The following FAM168B variants were observed in gnomAD, a reference collection of about 807,000 sequenced individuals.
The protein encoded by FAM168B is myelin-associated neurite-outgrowth inhibitor.
Under a neutral mutation model 21.8 loss-of-function variants are expected in FAM168B, and 19 were observed. The ratio of observed to expected loss-of-function variants is 0.87; its 90% confidence interval spans 0.61 to 1.28. The LOEUF is 1.28. FAM168B is among the 50% of genes most tolerant of loss of function. The pLI is 0.00. For synonymous variants in FAM168B, 126 were observed against 104.8 expected (o/e 1.20, Z -1.24); for missense variants, 233 against 263.1 (o/e 0.89, Z 0.79).
At chr2:131,065,226 A>T (rs1160701075) in intron 3 of FAM168B, among the ~76,000 whole-genome samples, 1 of 152,196 alleles carries the variant, frequency 6.6e-6, no homozygotes, top group East Asian at 1.9e-4. Context: ...AGAGTTAAAG[A>T]GCTGGAGTTT....
chr2:131,057,073 C>T (rs775166829), intron 3 of FAM168B, among the ~76,000 whole-genome samples: 1 of 152,200 alleles, frequency 6.6e-6, no homozygotes, highest in Admixed American at 6.5e-5. Context: ...TGGCATCTCA[C>T]ATTCCCATGG....
chr2:131,084,027 C>T (rs540077561), intron 1 of FAM168B, among the ~76,000 whole-genome samples: 30 of 152,038 alleles, frequency 2.0e-4, no homozygotes, highest in African/African-American at 6.5e-4. Context: ...CTCAGCCTCC[C>T]GCATAGCAGG....
At chr2:131,060,054 GTCTCGCTC>G (rs1692217154) in intron 3 of FAM168B, among the ~76,000 whole-genome samples, 1 of 151,858 alleles carries the variant, frequency 6.6e-6, no homozygotes, top group Non-Finnish European at 1.5e-5. Flanking sequence ...GAGTCTCGCT[GTCTCGCTC>G]TGTCACCCAG....
intron 1 of FAM168B, among the ~76,000 whole-genome samples, chr2:131,085,728 C>T (rs1203392368): frequency 6.6e-6 from 1 of 152,174 alleles, no homozygotes; most frequent in Non-Finnish European, 1.5e-5. Flanking sequence ...TTTTAAACTT[C>T]TAAACCAAAT....
intron 1 of FAM168B, among the ~76,000 whole-genome samples, chr2:131,088,569 G>C (rs1317671070): frequency 2.0e-5 from 3 of 152,128 alleles, no homozygotes; most frequent in Non-Finnish European, 4.4e-5. Context: ...TGAATACTGG[G>C]TATCAGCTGG....
intron 5 of FAM168B, among the ~76,000 whole-genome samples, chr2:131,054,236 TAA>T (rs879882436): frequency 2.2e-5 from 3 of 136,548 alleles, no homozygotes; most frequent in African/African-American, 2.7e-5. Context: ...ATTTTAAAAT[TAA>T]AAAAAAAAAA....
At position 131,050,276 on chromosome 2, in the gene FAM168B, T is replaced by C. The variant is rs1433609689; in HGVS notation, c.*2189A>G. 2.0e-6 allele frequency: 2 copies of C among 985,354 alleles called. No individual in the cohort carries two copies. Among genetic ancestry groups the C allele is most frequent in the Non-Finnish European group, 2.4e-6 (2 of 829,942 alleles). The allele number at this position is 985,354 out of a possible 1,614,324, so 61.0% of individuals were successfully genotyped here. A position where few individuals can be genotyped will look rare whatever the true frequency, so the allele number is the denominator to read the frequency against. ...GTTGTACATGTATGTTTCCATTTTG[T>C]TGTGTGGGGCTTTTTAAAAGCATAC... On this transcript the variant is annotated 3_prime_UTR_variant, in exon 7 of 7. Coordinates refer to ENST00000389915, the MANE Select transcript of FAM168B (RefSeq NM_001009993.4).
chr2:131,052,802 G>A (rs186111921), intron 6 of FAM168B, 89 bp downstream of exon 6: 268 of 1,495,578 alleles, frequency 1.8e-4, no homozygotes, highest in Admixed American at 1.3e-4. Context: ...CACTTTCCTC[G>A]TTAGTGCTTA....
intron 5 of FAM168B, among the ~76,000 whole-genome samples, chr2:131,054,503 C>T (rs1190870199): frequency 6.6e-6 from 1 of 152,206 alleles, no homozygotes; most frequent in African/African-American, 2.4e-5. Flanking sequence ...CATTGAAGCA[C>T]ACATAATAAC....
intron 1 of FAM168B, 95 bp from the exon 2 acceptor site, chr2:131,082,752 T>A: frequency 1.4e-6 from 1 of 716,284 alleles, no homozygotes. Context: ...GAGTCCTTTC[T>A]CTAGGCTGCT....
chr2:131,071,708 T>C lies in FAM168B; in HGVS notation c.154+147A>G, dbSNP rs1176186721. 12 of 671,384 alleles carry C rather than the reference T, an allele frequency of 1.8e-5. No homozygotes were observed. The Admixed American group carries it at 2.4e-4, about 13-fold the overall frequency. 41.6% of individuals were successfully genotyped at this position (671,384 alleles called of 1,614,324 possible). ...CTTCAGTGCAGTAAGAATTAAGCTT[T>C]TGTTGCACTTATCAACAGGCTAACT... is the stretch of plus-strand genomic sequence containing the variant. On this transcript the variant is annotated intron_variant, in intron 3 of 6. Coordinates refer to ENST00000389915, the MANE Select transcript of FAM168B (RefSeq NM_001009993.4).
chr2:131,083,615 A>G (rs1349352586), intron 1 of FAM168B, among the ~76,000 whole-genome samples: 1 of 152,250 alleles, frequency 6.6e-6, no homozygotes, highest in African/African-American at 2.4e-5. Flanking sequence ...TAACCAAGAC[A>G]TATCCAGAAC....
At position 131,080,543 on chromosome 2, in the gene FAM168B, G is replaced by A. The variant is rs554298514; in HGVS notation, c.70+2034C>T. 1.1e-3 allele frequency among the ~76,000 whole-genome samples: 171 copies of A among 151,458 alleles called. 3 individuals carry two copies. In the South Asian group the frequency reaches 0.033, roughly 29 times the overall value. On this transcript the variant is annotated intron_variant, in intron 2 of 6. Coordinates refer to ENST00000389915, the MANE Select transcript of FAM168B (RefSeq NM_001009993.4). ...TGAGGCTGGAGAATCGCTTGAACCCGGGAGATGGAGGTTGTAGTGAGCTGA... is the reference window on the plus strand; with the variant it reads ...TGAGGCTGGAGAATCGCTTGAACCCAGGAGATGGAGGTTGTAGTGAGCTGA...
At chr2:131,079,677 C>T (rs1693336007) in intron 2 of FAM168B, among the ~76,000 whole-genome samples, 1 of 152,136 alleles carries the variant, frequency 6.6e-6, no homozygotes, top group South Asian at 2.1e-4. Context: ...GACTACATCT[C>T]TATGGCTTTA....
At chr2:131,093,033 G>A (rs1694117056) in intron 1 of FAM168B, among the ~76,000 whole-genome samples, 181 bp downstream of exon 1, 1 of 151,516 alleles carries the variant, frequency 6.6e-6, no homozygotes, top group Non-Finnish European at 1.5e-5. Flanking sequence ...TACGTGTCCG[G>A]CCGAGCTCCG....
chr2:131,092,432 T>C (rs1364451370), intron 1 of FAM168B, among the ~76,000 whole-genome samples: 1 of 152,198 alleles, frequency 6.6e-6, no homozygotes, highest in Non-Finnish European at 1.5e-5. Context: ...TAATCTAGAA[T>C]CTTTCATCCA....
chr2:131,076,391 G>A (rs1693153782), intron 2 of FAM168B, among the ~76,000 whole-genome samples: 2 of 152,152 alleles, frequency 1.3e-5, no homozygotes, highest in Non-Finnish European at 1.5e-5. Flanking sequence ...GCCGGGCGCA[G>A]TGGCTCACGC....
At chr2:131,090,176 C>A (rs1178311198) in intron 1 of FAM168B, among the ~76,000 whole-genome samples, 2 of 133,890 alleles carry the variant, frequency 1.5e-5, no homozygotes, top group Admixed American at 1.5e-4. Context: ...AAAAAATTAT[C>A]CAGGCACGGT....
At chr2:131,074,672 A>C (rs1693046337) in intron 2 of FAM168B, among the ~76,000 whole-genome samples, 1 of 152,198 alleles carries the variant, frequency 6.6e-6, no homozygotes, top group Non-Finnish European at 1.5e-5. Flanking sequence ...TTAGGAACAA[A>C]TCATGGTGCT....
Sources: allele counts gnomAD v4.1 joint callset (sites outside exome capture counted in the v4.1 genomes callset), GRCh38; gene constraint gnomAD v4.1.1; transcripts MANE v1.5; gene names NCBI Gene and HGNC (gene_info 2026-07-23, HGNC 2026-07-21).